The following ANK2 variants were observed in gnomAD, a reference collection of about 807,000 sequenced individuals.
ANK2 encodes the protein ankyrin-2.
A neutral mutation model predicts 360.5 loss-of-function variants in ANK2; 83 were observed. That is an observed-to-expected ratio of 0.23 (90% CI 0.19 to 0.28). The LOEUF (loss-of-function observed/expected upper bound fraction) is 0.28. ANK2 is among the 10% of genes least tolerant of loss of function. The probability of loss-of-function intolerance (pLI) is 1.00; values close to 1 mark genes in which losing one functional copy is unlikely to be tolerated. For missense variants in ANK2, 4,201 were observed against 4,795.7 expected (o/e 0.88, Z 3.66); for synonymous variants, 1,740 against 1,759.5 (o/e 0.99, Z 0.28).
the ANK2 span, among the ~76,000 whole-genome samples, chr4:112,777,238 A>G: frequency 6.6e-6 from 1 of 152,016 alleles, no homozygotes; most frequent in Non-Finnish European, 1.5e-5. Flanking sequence ...ATTTTTATTT[A>G]TTTATTTATT....
chr4:113,118,435 T>A (rs531399216), intron 1 of ANK2, among the ~76,000 whole-genome samples: 1 of 152,344 alleles, frequency 6.6e-6, no homozygotes, highest in African/African-American at 2.4e-5. Flanking sequence ...TATGTTTACC[T>A]TTCAATTTGG....
chr4:112,994,753 C>A (rs891547220), intron 2 of ANK2, among the ~76,000 whole-genome samples: 1 of 152,188 alleles, frequency 6.6e-6, no homozygotes, highest in African/African-American at 2.4e-5. Context: ...AACCCTTTCT[C>A]CCCTTCTTTC....
At chr4:113,024,065 A>G (rs1231548541) in intron 2 of ANK2, among the ~76,000 whole-genome samples, 1 of 152,124 alleles carries the variant, frequency 6.6e-6, no homozygotes, top group Non-Finnish European at 1.5e-5. Context: ...ACCTTCCATT[A>G]TAGTAATGTT....
chr4:113,369,942 C>G lies in ANK2; in HGVS notation c.11610+137C>G, dbSNP rs949565960. The stretch of plus-strand genomic sequence containing the variant: ...AATTAATTAACCTGGCACATGGAAA[C>G]CCTCAATCCCTTTTAAAATCTGAGA... On this transcript the variant is annotated intron_variant, in intron 43 of 45. Coordinates refer to ENST00000357077, the MANE Select transcript of ANK2 (RefSeq NM_001148.6). The G allele has an allele frequency of 3.4e-5, 34 of 995,458 alleles. No homozygotes were observed. The African/African-American group carries it at 5.4e-4, about 16-fold the overall frequency. The allele number at this position is 995,458 out of a possible 1,614,324, so 61.7% of individuals were successfully genotyped here.
At chr4:113,232,057 G>C (rs746250832) in intron 4 of ANK2, 104 bp from the exon 5 acceptor site, 2 of 796,202 alleles carry the variant, frequency 2.5e-6, no homozygotes, top group African/African-American at 3.4e-5. Flanking sequence ...AATTTATTCA[G>C]TATGAAAGTA....
chr4:112,971,948 C>A (rs2039697989), intron 2 of ANK2, among the ~76,000 whole-genome samples: 1 of 152,184 alleles, frequency 6.6e-6, no homozygotes, highest in Non-Finnish European at 1.5e-5. Flanking sequence ...CTTTAAGATG[C>A]ACCTACTTGA....
intron 1 of ANK2, among the ~76,000 whole-genome samples, chr4:112,876,255 C>T (rs928463672): frequency 2.0e-5 from 3 of 152,152 alleles, no homozygotes; most frequent in African/African-American, 7.2e-5. Context: ...AGTATCTCTT[C>T]TTTAAAATAG....
intron 24 of ANK2, chr4:113,313,733 G>A (rs919733764): frequency 7.9e-6 from 1 of 127,258 alleles, no homozygotes; most frequent in Non-Finnish European, 1.6e-5. Context: ...GCCCTTCCTA[G>A]ATTTATCCAC....
chr4:112,975,982 T>A (rs2041245132), intron 2 of ANK2, among the ~76,000 whole-genome samples: 1 of 152,178 alleles, frequency 6.6e-6, no homozygotes, highest in Admixed American at 6.5e-5. Flanking sequence ...GCTCCTATCT[T>A]ATATTTAATT....
chr4:113,374,170 C>T (rs1435159320), intron 45 of ANK2, among the ~76,000 whole-genome samples: 2 of 152,162 alleles, frequency 1.3e-5, no homozygotes, highest in African/African-American at 2.4e-5. Flanking sequence ...ATGATCCACC[C>T]GCCTCAGCCT....
chr4:113,213,436 A>G (rs1444960683), intron 4 of ANK2, among the ~76,000 whole-genome samples: 1 of 152,186 alleles, frequency 6.6e-6, no homozygotes, highest in African/African-American at 2.4e-5. Flanking sequence ...GTTCCATGCA[A>G]CACCTGCTAT....
intron 20 of ANK2, 90 bp from the exon 21 acceptor site, chr4:113,292,326 G>A: frequency 8.5e-7 from 1 of 1,174,902 alleles, no homozygotes; most frequent in Non-Finnish European, 1.2e-6. Flanking sequence ...TGGTTTTGTT[G>A]TAAATAAGAC....
chr4:112,743,361 C>T, the ANK2 span, among the ~76,000 whole-genome samples: 159 of 152,082 alleles, frequency 1.0e-3, no homozygotes, highest in Non-Finnish European at 1.9e-3. Flanking sequence ...AAATTCGAGA[C>T]CATTATAAAA....
the ANK2 span, among the ~76,000 whole-genome samples, chr4:112,787,197 C>G: frequency 2.0e-5 from 3 of 152,130 alleles, no homozygotes; most frequent in Non-Finnish European, 4.4e-5. Flanking sequence ...TTAAAAATCA[C>G]TTGTCAGCCT....
chr4:113,018,740 C>T (rs1229401425), intron 2 of ANK2, among the ~76,000 whole-genome samples: 1 of 152,222 alleles, frequency 6.6e-6, no homozygotes, highest in African/African-American at 2.4e-5. Context: ...AGGGATGTAA[C>T]AACATCCTTC....
chr4:112,762,567 T>C, the ANK2 span, among the ~76,000 whole-genome samples: 1 of 152,240 alleles, frequency 6.6e-6, no homozygotes, highest in Non-Finnish European at 1.5e-5. Context: ...TGGAGTGCAG[T>C]GGTGCGATTT....
At chr4:112,912,483 G>A (rs2087961166) in intron 2 of ANK2, among the ~76,000 whole-genome samples, 2 of 151,870 alleles carry the variant, frequency 1.3e-5, no homozygotes, top group African/African-American at 4.8e-5. Context: ...TTTGAGTGGG[G>A]TAAGGGGTGG....
chr4:113,153,916 C>G (rs1451528823), intron 1 of ANK2, among the ~76,000 whole-genome samples: 1 of 152,192 alleles, frequency 6.6e-6, no homozygotes, highest in Non-Finnish European at 1.5e-5. Context: ...AGTATGATAA[C>G]CACTGCTTTG....
chr4:112,879,145 G>T (rs1194719576), intron 1 of ANK2, among the ~76,000 whole-genome samples: 1 of 152,154 alleles, frequency 6.6e-6, no homozygotes, highest in Non-Finnish European at 1.5e-5. Flanking sequence ...AAAAACTAGG[G>T]ATGGGTTGGA....
Sources: gnomAD v4.1 joint callset for allele counts (sites outside exome capture counted in the v4.1 genomes callset) on GRCh38, gnomAD v4.1.1 for gene constraint, MANE v1.5 for transcripts, NCBI Gene and HGNC (gene_info 2026-07-23, HGNC 2026-07-21) for gene names.